Variants in MIB1 observed in about 807,000 individuals in gnomAD.
MIB1 encodes the protein E3 ubiquitin-protein ligase MIB1.
Under a neutral mutation model 124.5 loss-of-function variants are expected in MIB1, and 278 were observed. The observed-to-expected ratio is 2.23, with a 90% CI of 2.02 to 2.47. The LOEUF is 2.47. MIB1 is among the 30% of genes most tolerant of loss of function. The pLI is 0.00. For synonymous variants in MIB1, 446 were observed against 429.4 expected (o/e 1.04, Z -0.48); for missense variants, 957 against 1,254.4 (o/e 0.76, Z 3.58).
At chr18:21,722,275 C>T (rs1313582363) in intron 1 of MIB1, among the ~76,000 whole-genome samples, 1 of 151,918 alleles carries the variant, frequency 6.6e-6, no homozygotes, top group East Asian at 1.9e-4. Flanking sequence ...AGGCTGATCT[C>T]GAACTCCTGA....
At chr18:21,840,772 A>G (rs763989447) in intron 13 of MIB1, among the ~76,000 whole-genome samples, 7 of 151,122 alleles carry the variant, frequency 4.6e-5, no homozygotes, top group East Asian at 3.9e-4. Flanking sequence ...TTGAGGCTTC[A>G]GAGAGCCATG....
rs369017571 is a variant in MIB1, at chr18:21,838,515, T to C, written c.1962+18T>C. Reference sequence around the variant, plus strand: ...TACATCAGGTAAGAAAAGAGTTAAATAATTCCCTCTTTTTTATTTTTTTTT... The same window carrying C: ...TACATCAGGTAAGAAAAGAGTTAAACAATTCCCTCTTTTTTATTTTTTTTT... On this transcript the variant is annotated intron_variant, in intron 13 of 20. Coordinates refer to ENST00000261537, the MANE Select transcript of MIB1 (RefSeq NM_020774.4). 7.1e-6 allele frequency: 11 copies of C among 1,555,546 alleles called. No individual in the cohort carries two copies. In the African/African-American group the frequency reaches 8.3e-5, roughly 12 times the overall value.
At chr18:21,758,497 G>A (rs971430014) in intron 1 of MIB1, among the ~76,000 whole-genome samples, 1 of 151,954 alleles carries the variant, frequency 6.6e-6, no homozygotes, top group African/African-American at 2.4e-5. Context: ...CAACAGTTAT[G>A]CCACAATAAG....
At chr18:21,841,106 C>T (rs2042084882) in intron 13 of MIB1, among the ~76,000 whole-genome samples, 1 of 152,114 alleles carries the variant, frequency 6.6e-6, no homozygotes, top group Admixed American at 6.6e-5. Context: ...TGGCTCATGC[C>T]TGTAATCCAA....
intron 6 of MIB1, among the ~76,000 whole-genome samples, chr18:21,785,455 C>T (rs548991673): frequency 2.0e-5 from 3 of 152,232 alleles, no homozygotes; most frequent in African/African-American, 7.2e-5. Context: ...AAACAGGTGA[C>T]GTCTTAACTT....
intron 1 of MIB1, among the ~76,000 whole-genome samples, chr18:21,709,550 T>G (rs2040656765): frequency 6.6e-6 from 1 of 152,154 alleles, no homozygotes; most frequent in Non-Finnish European, 1.5e-5. Context: ...TTATTCAAAG[T>G]CTGTTGTGAA....
chr18:21,731,675 T>C (rs1025905748), intron 1 of MIB1, among the ~76,000 whole-genome samples: 2 of 135,290 alleles, frequency 1.5e-5, no homozygotes, highest in African/African-American at 5.7e-5. Flanking sequence ...GAGCTTGCAG[T>C]GAGCCGAGAT....
chr18:21,745,182 A>G (rs756834800), intron 1 of MIB1, among the ~76,000 whole-genome samples: 66 of 152,396 alleles, frequency 4.3e-4, no homozygotes, highest in Admixed American at 7.8e-4. Flanking sequence ...ATAGTGCAGT[A>G]CTGTATAGAA....
intron 4 of MIB1, among the ~76,000 whole-genome samples, chr18:21,777,246 C>G (rs549291439): frequency 1.8e-4 from 27 of 152,014 alleles, no homozygotes; most frequent in Non-Finnish European, 3.5e-4. Context: ...TGGTGAAACC[C>G]TGTCTGTACT....
intron 1 of MIB1, among the ~76,000 whole-genome samples, chr18:21,742,033 C>T (rs2040859496): frequency 6.6e-6 from 1 of 152,218 alleles, no homozygotes; most frequent in African/African-American, 2.4e-5. Context: ...ATGATGGCAG[C>T]ACCATCACCG....
chr18:21,860,557 A>G (rs1204415726), intron 20 of MIB1, among the ~76,000 whole-genome samples: 5 of 152,220 alleles, frequency 3.3e-5, no homozygotes, highest in Non-Finnish European at 4.4e-5. Context: ...ATACCTTACC[A>G]TTTGACCAAG....
At chr18:21,759,198 G>A (rs1371063005) in intron 1 of MIB1, among the ~76,000 whole-genome samples, 2 of 150,772 alleles carry the variant, frequency 1.3e-5, no homozygotes, top group African/African-American at 4.9e-5. Flanking sequence ...TCAACATTTT[G>A]TATTCTATAC....
intron 6 of MIB1, 96 bp downstream of exon 6, chr18:21,779,781 A>G (rs2041337212): frequency 2.1e-6 from 2 of 948,802 alleles, no homozygotes; most frequent in Admixed American, 2.1e-5. Context: ...CCAAATACTC[A>G]TTAAAGCTAG....
At chr18:21,734,375 G>C (rs2040785822) in intron 1 of MIB1, among the ~76,000 whole-genome samples, 1 of 152,082 alleles carries the variant, frequency 6.6e-6, no homozygotes, top group Non-Finnish European at 1.5e-5. Flanking sequence ...AAAGTGCTGG[G>C]ATTACAGGTG....
chr18:21,768,171 C>T (rs960844831), intron 2 of MIB1, among the ~76,000 whole-genome samples: 1 of 152,162 alleles, frequency 6.6e-6, no homozygotes, highest in Non-Finnish European at 1.5e-5. Context: ...TTGAGTTTGC[C>T]ATCTCTACAA....
At chr18:21,768,789 G>A (rs969305195) in intron 3 of MIB1, 37 bp downstream of exon 3, 3 of 1,559,016 alleles carry the variant, frequency 1.9e-6, no homozygotes, top group African/African-American at 2.7e-5. Flanking sequence ...GTATTCTAGA[G>A]TATTATATGT....
At chr18:21,786,463 T>C (rs1403576158) in intron 6 of MIB1, among the ~76,000 whole-genome samples, 2 of 152,176 alleles carry the variant, frequency 1.3e-5, no homozygotes, top group East Asian at 3.8e-4. Flanking sequence ...TTGATATTTA[T>C]TTTTTTATAG....
chr18:21,840,101 G>A (rs2042069255), intron 13 of MIB1, among the ~76,000 whole-genome samples: 1 of 152,040 alleles, frequency 6.6e-6, no homozygotes, highest in African/African-American at 2.4e-5. Flanking sequence ...ATTTCCATTT[G>A]CATATTGCTA....
At position 21,844,151 on chromosome 18, in the gene MIB1, G is replaced by T; in HGVS notation, c.2109G>T (p.Leu703Phe). 6.2e-7 allele frequency: 1 copy of T among 1,614,088 alleles called. No homozygotes were observed. The highest frequency in any genetic ancestry group is 1.7e-4 in the Middle Eastern group (1 of 6,028). The change falls in exon 15 of 21, where the codon TTG becomes TTT. Residue 703 changes from leucine (L) to phenylalanine (F), a missense_variant. Coordinates refer to ENST00000261537, the MANE Select transcript of MIB1 (RefSeq NM_020774.4). ...AGGATAAGGATGGGGATACTCCTTT[G>T]CATGAAGCTCTAAGGCATCACACTT... The part of the protein sequence containing the change: ...DIQDKDGDTP[L>F]HEALRHHTLS...
Sources: allele counts gnomAD v4.1 joint callset (sites outside exome capture counted in the v4.1 genomes callset), GRCh38; gene constraint gnomAD v4.1.1; transcripts MANE v1.5; gene names NCBI Gene and HGNC (gene_info 2026-07-23, HGNC 2026-07-21).